Variants in ABTB2 observed in about 807,000 individuals in gnomAD.
The protein encoded by ABTB2 is ankyrin repeat and BTB domain containing 2.
Under a neutral mutation model 104.1 loss-of-function variants are expected in ABTB2, and 56 were observed. The ratio of observed to expected loss-of-function variants is 0.54; its 90% CI spans 0.43 to 0.67. The LOEUF is 0.67. ABTB2 is among the 30% of genes least tolerant of loss of function. The pLI, the probability that ABTB2 is intolerant of heterozygous loss-of-function variation, is 0.00. For missense variants in ABTB2, 1,279 were observed against 1,407.7 expected, an observed-to-expected ratio of 0.91 and a Z score of 1.46; for synonymous variants, 606 against 608.2, an observed-to-expected ratio of 1.00 and a Z score of 0.05.
At chr11:34,228,621 G>A (rs1038413106) in intron 1 of ABTB2, among the ~76,000 whole-genome samples, 8 of 151,944 alleles carry the variant, frequency 5.3e-5, no homozygotes, top group Admixed American at 2.0e-4. Flanking sequence ...TCAGGTGATC[G>A]CCTGCCTCAG....
chr11:34,348,811 T>G (rs1490274536), intron 1 of ABTB2, among the ~76,000 whole-genome samples: 2 of 152,204 alleles, frequency 1.3e-5, no homozygotes, highest in Non-Finnish European at 2.9e-5. Context: ...CTATCGCCAT[T>G]GCTCCCCTCT....
intron 1 of ABTB2, among the ~76,000 whole-genome samples, chr11:34,219,127 T>C (rs1221210501): frequency 1.3e-5 from 2 of 152,174 alleles, no homozygotes; most frequent in East Asian, 3.9e-4. Context: ...TGTACACAAA[T>C]AATTTAAGTA....
chr11:34,163,063 G>T (rs1419291972), intron 9 of ABTB2, among the ~76,000 whole-genome samples: 1 of 152,176 alleles, frequency 6.6e-6, no homozygotes, highest in Non-Finnish European at 1.5e-5. Flanking sequence ...TAGGCTTCGG[G>T]GCTGAGCGAG....
chr11:34,192,190 G>C (rs183652292), intron 3 of ABTB2, among the ~76,000 whole-genome samples: 4 of 152,270 alleles, frequency 2.6e-5, no homozygotes, highest in East Asian at 3.9e-4. Context: ...CTACTGGGGG[G>C]GCTGAGGTGG....
intron 1 of ABTB2, among the ~76,000 whole-genome samples, chr11:34,291,029 T>C (rs1342035957): frequency 2.0e-5 from 3 of 152,230 alleles, no homozygotes; most frequent in Non-Finnish European, 2.9e-5. Flanking sequence ...AAAGCCTTCA[T>C]CTGCCAGTGG....
intron 1 of ABTB2, among the ~76,000 whole-genome samples, chr11:34,301,045 A>G (rs1414233139): frequency 6.6e-6 from 1 of 152,166 alleles, no homozygotes; most frequent in Non-Finnish European, 1.5e-5. Context: ...AGAGGATAAG[A>G]AGCTTTATCA....
intron 5 of ABTB2, among the ~76,000 whole-genome samples, chr11:34,169,571 G>A (rs574081280): frequency 1.3e-5 from 2 of 152,128 alleles, no homozygotes; most frequent in Admixed American, 6.5e-5. Context: ...TAAAGTCCAC[G>A]GGCTTCCACA....
At chr11:34,188,390 C>T (rs11032542) in intron 3 of ABTB2, among the ~76,000 whole-genome samples, 3 of 152,116 alleles carry the variant, frequency 2.0e-5, no homozygotes, top group African/African-American at 7.2e-5. Context: ...AGCAAGGTGA[C>T]TTCAGATAGA....
intron 3 of ABTB2, among the ~76,000 whole-genome samples, chr11:34,180,358 C>T (rs1211218931): frequency 2.6e-5 from 4 of 152,216 alleles, no homozygotes; most frequent in Admixed American, 6.5e-5. Flanking sequence ...GACCCAGAGG[C>T]CTTGGGTCAT....
At chr11:34,314,009 A>T (rs1437943815) in intron 1 of ABTB2, among the ~76,000 whole-genome samples, 1 of 152,162 alleles carries the variant, frequency 6.6e-6, no homozygotes, top group Non-Finnish European at 1.5e-5. Context: ...GCTGCCTGTT[A>T]TGTGGTGAAT....
At chr11:34,208,892 CT>C (rs1352214311) in intron 1 of ABTB2, among the ~76,000 whole-genome samples, 2 of 152,126 alleles carry the variant, frequency 1.3e-5, no homozygotes, top group Non-Finnish European at 2.9e-5. Context: ...CCCTGCCCCC[CT>C]GGACCTGCAG....
intron 1 of ABTB2, among the ~76,000 whole-genome samples, chr11:34,210,846 G>A (rs1853472366): frequency 6.6e-6 from 1 of 152,228 alleles, no homozygotes; most frequent in South Asian, 2.1e-4. Context: ...TGCGCGGGAA[G>A]CTTGGGTGGG....
At chr11:34,182,185 G>C (rs555829730) in intron 3 of ABTB2, among the ~76,000 whole-genome samples, 1 of 152,164 alleles carries the variant, frequency 6.6e-6, no homozygotes, top group East Asian at 1.9e-4. Flanking sequence ...CAGCCACCAC[G>C]GCCTAATACC....
intron 1 of ABTB2, among the ~76,000 whole-genome samples, chr11:34,245,608 A>T (rs575775360): frequency 2.0e-5 from 3 of 152,094 alleles, no homozygotes; most frequent in Non-Finnish European, 4.4e-5. Flanking sequence ...GATCCAGATG[A>T]GGTGAGGGAA....
At chr11:34,350,569 G>T (rs370128124) in intron 1 of ABTB2, among the ~76,000 whole-genome samples, 31 of 152,342 alleles carry the variant, frequency 2.0e-4, no homozygotes, top group African/African-American at 7.2e-4. Context: ...GGGAGAGCCA[G>T]CAAGCAGCAT....
chr11:34,154,094 A>T lies in ABTB2; in HGVS notation c.2880+171T>A, dbSNP rs1852585876. ...ACCACATGGCCAGTGGGCAGCAGTG[A>T]CCCCAGGCAACACAGGGAGTTGCTA... On this transcript the variant is annotated intron_variant, in intron 16 of 16. Coordinates refer to ENST00000435224, the MANE Select transcript of ABTB2 (RefSeq NM_145804.3). This position sits in a 1 kb window ranked among gnomAD's most constrained non-coding sequence, Gnocchi z 4.9. 1.3e-5 allele frequency among the ~76,000 whole-genome samples: 2 copies of T among 152,048 alleles called. No individual in the cohort carries two copies. The highest frequency in any genetic ancestry group is 4.1e-4 in the South Asian group (2 of 4,830).
At chr11:34,279,425 T>C (rs1327299675) in intron 1 of ABTB2, among the ~76,000 whole-genome samples, 1 of 152,166 alleles carries the variant, frequency 6.6e-6, no homozygotes, top group Non-Finnish European at 1.5e-5. Context: ...ATCCTCATTA[T>C]AATCCTATAA....
chr11:34,325,697 T>C (rs1460756647), intron 1 of ABTB2, among the ~76,000 whole-genome samples: 1 of 152,172 alleles, frequency 6.6e-6, no homozygotes, highest in African/African-American at 2.4e-5. Flanking sequence ...ACGCCTGCAA[T>C]CCCAGCACTT....
At chr11:34,263,068 G>GC (rs1854207899) in intron 1 of ABTB2, among the ~76,000 whole-genome samples, 1 of 152,138 alleles carries the variant, frequency 6.6e-6, no homozygotes, top group Non-Finnish European at 1.5e-5. Flanking sequence ...GACTCCGGAG[G>GC]CCGGTTTAGC....
Sources: allele counts gnomAD v4.1 joint callset (sites outside exome capture counted in the v4.1 genomes callset), GRCh38; gene constraint gnomAD v4.1.1; non-coding constraint Gnocchi (gnomAD v3.1); transcripts MANE v1.5; gene names NCBI Gene and HGNC (gene_info 2026-07-23, HGNC 2026-07-21).